Variants in SMPD3 observed in about 807,000 individuals in gnomAD.
The protein encoded by SMPD3 is nSMase-2.
In SMPD3, 21 loss-of-function variants were observed where a neutral mutation model predicts 55.7. The ratio of observed to expected loss-of-function variants is 0.38; its 90% CI spans 0.27 to 0.54. The LOEUF is 0.54. Among genes scored for constraint, SMPD3 ranks in the 20% least tolerant of loss-of-function variants. The pLI is 0.80. For missense variants in SMPD3, 842 were observed against 899.6 expected, an observed-to-expected ratio of 0.94 and a Z score of 0.82; for synonymous variants, 457 against 404.3, an observed-to-expected ratio of 1.13 and a Z score of -1.56.
At chr16:68,405,564 A>AG (rs1455852029) in intron 1 of SMPD3, among the ~76,000 whole-genome samples, 6 of 149,662 alleles carry the variant, frequency 4.0e-5, no homozygotes, top group Admixed American at 1.3e-4. Flanking sequence ...AAAAAAAAAA[A>AG]AAAGAAAAGA....
In SMPD3 at chr16:68,371,381, G is replaced by A. The variant is rs1442834489; in HGVS notation, c.801C>T (p.Ala267=). The A allele has an allele frequency of 1.3e-6, 2 of 1,569,180 alleles. No homozygotes were observed. The highest frequency in any genetic ancestry group is 1.7e-6 in the Non-Finnish European group (2 of 1,166,972). ...TTGGGCCCCCGCCAGCTCCGTTCCT[G>A]GCCTGGCCCCCAGGCACAGGGTCGT... is the stretch of plus-strand genomic sequence containing the variant. ...EADDPVPGGQ[A]RNGAGGGPRG... Residue 267 remains alanine (A), a synonymous_variant, in exon 3 of 9, where the codon GCC becomes GCT. Transcript: ENST00000219334.
chr16:68,427,575 AT>A (rs1426629948), intron 1 of SMPD3, among the ~76,000 whole-genome samples: 1 of 152,202 alleles, frequency 6.6e-6, no homozygotes, highest in African/African-American at 2.4e-5. Context: ...GAGAAACTGA[AT>A]TTTTAATTTA....
intron 1 of SMPD3, among the ~76,000 whole-genome samples, chr16:68,440,767 AT>A: frequency 6.6e-6 from 1 of 152,078 alleles, no homozygotes; most frequent in Non-Finnish European, 1.5e-5. Context: ...CCTGTCCAGA[AT>A]TTTTCTCCCA....
chr16:68,372,750 C>T lies in SMPD3; in HGVS notation c.-206-363G>A, dbSNP rs570232651. Among the ~76,000 whole-genome samples the T allele has an allele frequency of 1.2e-4, 18 of 152,262 alleles. No individual in the cohort carries two copies. The East Asian group carries it at 1.5e-3, about 13-fold the overall frequency. ...AGAGGATGCCTGGGCCCACCCTGACCGGGGGCCGCCGGAAGCCCATCAGGA... is the reference window on the plus strand; with the variant it reads ...AGAGGATGCCTGGGCCCACCCTGACTGGGGGCCGCCGGAAGCCCATCAGGA... On this transcript the variant is annotated intron_variant, in intron 2 of 8. Coordinates refer to ENST00000219334, the MANE Select transcript of SMPD3 (RefSeq NM_018667.4).
chr16:68,427,759 G>A (rs1049482479), intron 1 of SMPD3, among the ~76,000 whole-genome samples: 2 of 151,106 alleles, frequency 1.3e-5, no homozygotes, highest in Non-Finnish European at 1.5e-5. Flanking sequence ...GACTGGGGGG[G>A]GGTGCTGATG....
chr16:68,363,494 A>C lies in SMPD3; in HGVS notation c.1709+2T>G, dbSNP rs746189155. On this transcript the variant is annotated splice_donor_variant, in intron 7 of 8. Transcript: ENST00000219334. LOFTEE classifies it high-confidence loss of function. ...TCCCTGGCCTGGGAGCGCAGTGCTTACTTCTGCAGGTTGTCGGGGGTGCAC... is the reference window on the plus strand; with the variant it reads ...TCCCTGGCCTGGGAGCGCAGTGCTTCCTTCTGCAGGTTGTCGGGGGTGCAC... 1 of 1,613,844 alleles carries C rather than the reference A, an allele frequency of 6.2e-7. No individual in the cohort carries two copies.
At chr16:68,361,477 A>T in intron 8 of SMPD3, 126 bp downstream of exon 8, 1 of 1,432,422 alleles carries the variant, frequency 7.0e-7, no homozygotes, top group Non-Finnish European at 9.5e-7. Flanking sequence ...GGTCTGAGGG[A>T]GTGATGGGTA....
At chr16:68,407,877 A>G (rs2090266448) in intron 1 of SMPD3, among the ~76,000 whole-genome samples, 1 of 152,238 alleles carries the variant, frequency 6.6e-6, no homozygotes, top group South Asian at 2.1e-4. Flanking sequence ...CTACTGGCAG[A>G]GGAAAAATAA....
intron 1 of SMPD3, among the ~76,000 whole-genome samples, chr16:68,424,633 A>G (rs1055060629): frequency 6.6e-6 from 1 of 152,260 alleles, no homozygotes; most frequent in Non-Finnish European, 1.5e-5. Flanking sequence ...CACGCCAGGC[A>G]TCAGCAAAGT....
intron 1 of SMPD3, among the ~76,000 whole-genome samples, chr16:68,392,908 G>A (rs1054586839): frequency 2.0e-5 from 3 of 148,748 alleles, no homozygotes; most frequent in Non-Finnish European, 4.5e-5. Context: ...GACTTAGTGA[G>A]AAGGTGGCTG....
rs886284404 is a variant in SMPD3, at chr16:68,442,065, C to T, written c.-269+6288G>A. On this transcript the variant is annotated intron_variant, in intron 1 of 8. Transcript: ENST00000219334. ...ATAGGCATGAGCAACCGTGCCTGGG[C>T]TATTTCAACTTAAAATTTGGGTTTT... Among the ~76,000 whole-genome samples, 6 of 152,326 alleles carry T rather than the reference C, an allele frequency of 3.9e-5. 1 individual carries two copies. The Middle Eastern group carries it at 0.02, about 518-fold the overall frequency.
At chr16:68,417,394 T>G (rs2090348104) in intron 1 of SMPD3, among the ~76,000 whole-genome samples, 1 of 152,174 alleles carries the variant, frequency 6.6e-6, no homozygotes, top group East Asian at 1.9e-4. Flanking sequence ...ATTGATAGCC[T>G]CTTACCCCAC....
chr16:68,374,696 CCACT>C (rs957216150), intron 2 of SMPD3, among the ~76,000 whole-genome samples: 3 of 152,182 alleles, frequency 2.0e-5, no homozygotes, highest in African/African-American at 7.2e-5. Context: ...GAGCGACAGC[CCACT>C]CACTCTCCCT....
In SMPD3 at chr16:68,391,074, T is replaced by A. The variant is rs371169495; in HGVS notation, c.-268-4415A>T. Reference sequence around the variant, plus strand: ...AAGACAAAGCTGTAGTTCGTCATTTTATGCTTGAAAAAATTCTGCCCTTAA... The same window carrying A: ...AAGACAAAGCTGTAGTTCGTCATTTAATGCTTGAAAAAATTCTGCCCTTAA... On this transcript the variant is annotated intron_variant, in intron 1 of 8. Coordinates refer to ENST00000219334, the MANE Select transcript of SMPD3 (RefSeq NM_018667.4). Among the ~76,000 whole-genome samples the A allele has an allele frequency of 1.1e-3, 166 of 152,376 alleles. 2 individuals are homozygous for A. The highest frequency in any genetic ancestry group is 3.4e-3 in the African/African-American group (140 of 41,586).
chr16:68,406,508 T>C (rs115502988), intron 1 of SMPD3, among the ~76,000 whole-genome samples: 1,637 of 152,206 alleles, frequency 0.011, 34 homozygotes, highest in African/African-American at 0.037. Context: ...GCCAGGATGG[T>C]GCCTGGAAAG....
chr16:68,421,905 G>A (rs2090398211), intron 1 of SMPD3, among the ~76,000 whole-genome samples: 1 of 152,224 alleles, frequency 6.6e-6, no homozygotes, highest in Non-Finnish European at 1.5e-5. Flanking sequence ...AAGGAACTTT[G>A]CAGATGTGAT....
At chr16:68,418,117 T>C (rs1662902399) in intron 1 of SMPD3, among the ~76,000 whole-genome samples, 1 of 152,116 alleles carries the variant, frequency 6.6e-6, no homozygotes, top group Admixed American at 6.5e-5. Flanking sequence ...TCCCTTCCTG[T>C]TGTGTGCGGG....
At chr16:68,407,581 C>T (rs759411931) in intron 1 of SMPD3, among the ~76,000 whole-genome samples, 13 of 152,052 alleles carry the variant, frequency 8.5e-5, no homozygotes, top group Non-Finnish European at 1.5e-4. Context: ...AGGATCCTCC[C>T]GTCTCAGCCT....
At chr16:68,373,748 G>A (rs904228971) in intron 2 of SMPD3, among the ~76,000 whole-genome samples, 1 of 152,114 alleles carries the variant, frequency 6.6e-6, no homozygotes, top group African/African-American at 2.4e-5. Flanking sequence ...TATGTAGTCC[G>A]CTGTGTCACA....
Sources: allele counts gnomAD v4.1 joint callset (sites outside exome capture counted in the v4.1 genomes callset), GRCh38; gene constraint gnomAD v4.1.1; transcripts MANE v1.5; gene names NCBI Gene and HGNC (gene_info 2026-07-23, HGNC 2026-07-21).